PACRG: variants seen among roughly 807,000 people sequenced by gnomAD.
PACRG encodes the protein parkin coregulated gene protein.
Under a neutral mutation model 29.7 loss-of-function variants are expected in PACRG, and 29 were observed. The observed-to-expected ratio is 0.98, with a 90% CI of 0.73 to 1.33. The LOEUF is 1.33. Among genes scored for constraint, PACRG ranks in the 40% most tolerant of loss-of-function variants. PACRG has a pLI of 0.00. For synonymous variants in PACRG, 116 were observed against 118.7 expected, an observed-to-expected ratio of 0.98 and a Z score of 0.15; for missense variants, 279 against 316.2, an observed-to-expected ratio of 0.88 and a Z score of 0.89.
intron 4 of PACRG, among the ~76,000 whole-genome samples, chr6:163,134,240 A>G (rs1446950308): frequency 6.6e-6 from 1 of 152,158 alleles, no homozygotes; most frequent in African/African-American, 2.4e-5. Context: ...ATTGGTCACT[A>G]TGTTTCTTAG....
intron 4 of PACRG, among the ~76,000 whole-genome samples, chr6:163,273,676 C>G (rs902365287): frequency 2.6e-5 from 4 of 152,008 alleles, no homozygotes; most frequent in Admixed American, 2.6e-4. Flanking sequence ...TTTCCTCCCC[C>G]CTTGATATTT....
chr6:163,142,908 A>G (rs1016219244), intron 4 of PACRG, among the ~76,000 whole-genome samples: 2 of 152,210 alleles, frequency 1.3e-5, no homozygotes, highest in Admixed American at 1.3e-4. Context: ...TCTGAAGATC[A>G]TGAAAAATAA....
At chr6:162,881,300 T>C (rs1042192123) in intron 2 of PACRG, among the ~76,000 whole-genome samples, 2 of 152,186 alleles carry the variant, frequency 1.3e-5, no homozygotes, top group African/African-American at 4.8e-5. Context: ...CTGTTTTCCT[T>C]TGGGGCTGTA....
chr6:162,827,334 A>G (rs1043657027), intron 2 of PACRG, among the ~76,000 whole-genome samples: 9 of 152,214 alleles, frequency 5.9e-5, no homozygotes, highest in Non-Finnish European at 1.2e-4. Flanking sequence ...CTAGCTTCAA[A>G]TCTCAAGCAG....
intron 2 of PACRG, among the ~76,000 whole-genome samples, chr6:162,881,167 A>G (rs899648659): frequency 5.9e-5 from 9 of 152,142 alleles, no homozygotes; most frequent in Non-Finnish European, 1.0e-4. Context: ...GATTTTGCCT[A>G]TTGGAAGTGT....
chr6:163,042,325 C>G (rs1808814357), intron 2 of PACRG, among the ~76,000 whole-genome samples: 1 of 152,078 alleles, frequency 6.6e-6, no homozygotes, highest in South Asian at 2.1e-4. Flanking sequence ...AAAAGAGCAT[C>G]CTAAATAGCG....
intron 4 of PACRG, among the ~76,000 whole-genome samples, chr6:163,221,218 C>G (rs1384830102): frequency 6.6e-6 from 1 of 152,174 alleles, no homozygotes; most frequent in African/African-American, 2.4e-5. Context: ...GGCTCAGCAT[C>G]GCAGTTTTCC....
chr6:163,206,963 C>T (rs1449723756), intron 4 of PACRG, among the ~76,000 whole-genome samples: 1 of 151,950 alleles, frequency 6.6e-6, no homozygotes, highest in Non-Finnish European at 1.5e-5. Flanking sequence ...TTTCTTTTAC[C>T]GCTGTTTATA....
intron 2 of PACRG, among the ~76,000 whole-genome samples, chr6:162,825,555 A>G (rs1362986098): frequency 6.6e-6 from 1 of 152,220 alleles, no homozygotes; most frequent in South Asian, 2.1e-4. Context: ...TCTGGAATTT[A>G]TATTTGTTTC....
chr6:162,990,524 C>T (rs2128184549), intron 2 of PACRG, among the ~76,000 whole-genome samples: 1 of 133,242 alleles, frequency 7.5e-6, no homozygotes, highest in East Asian at 2.4e-4. Flanking sequence ...TTTTTGGCTG[C>T]ATAAATGTCT....
At chr6:163,299,133 A>G (rs534947166) in intron 4 of PACRG, among the ~76,000 whole-genome samples, 27 of 152,310 alleles carry the variant, frequency 1.8e-4, no homozygotes, top group African/African-American at 6.5e-4. Context: ...CTGAAGCTCT[A>G]GAACACAGCT....
At chr6:162,997,621 A>C (rs1804194820) in intron 2 of PACRG, 2 of 275,330 alleles carry the variant, frequency 7.3e-6, no homozygotes. Context: ...ACGCAGTGGT[A>C]AAGAAGAGAG....
intron 2 of PACRG, among the ~76,000 whole-genome samples, chr6:162,901,643 C>T (rs1304324499): frequency 1.3e-5 from 2 of 152,160 alleles, no homozygotes; most frequent in African/African-American, 4.8e-5. Flanking sequence ...CCTGTGGCAC[C>T]GCCTTTGCTC....
intron 2 of PACRG, among the ~76,000 whole-genome samples, chr6:163,011,101 AGAG>A (rs781057446): frequency 7.1e-6 from 1 of 141,426 alleles, no homozygotes; most frequent in South Asian, 2.6e-4. Context: ...AGTAAGGGGT[AGAG>A]AAGAGGAAGA....
At chr6:163,065,461 A>G (rs536655) in intron 3 of PACRG, among the ~76,000 whole-genome samples, 89,755 of 151,990 alleles carry the variant, frequency 0.59, 28,771 homozygotes, top group East Asian at 0.96. Flanking sequence ...GGATTCTTCC[A>G]AAACAGCGGT....
intron 2 of PACRG, among the ~76,000 whole-genome samples, chr6:162,970,663 G>A (rs972796510): frequency 6.6e-6 from 1 of 152,126 alleles, no homozygotes; most frequent in Non-Finnish European, 1.5e-5. Context: ...AGAACATCCC[G>A]TTGTATCTTC....
At chr6:162,815,565 G>T (rs1319567379) in intron 2 of PACRG, among the ~76,000 whole-genome samples, 1 of 151,138 alleles carries the variant, frequency 6.6e-6, no homozygotes, top group East Asian at 1.9e-4. Context: ...AATTTTGGGG[G>T]GGTGGGAAAG....
chr6:163,244,921 G>A (rs1057482747), intron 4 of PACRG: 33 of 333,636 alleles, frequency 9.9e-5, no homozygotes, highest in African/African-American at 3.7e-4. Context: ...TTAATTCCCC[G>A]TTATGCTTCT....
intron 4 of PACRG, among the ~76,000 whole-genome samples, chr6:163,104,036 A>G (rs184632485): frequency 2.6e-5 from 4 of 152,332 alleles, no homozygotes; most frequent in South Asian, 2.1e-4. Flanking sequence ...TCTTTTATTT[A>G]AGGTACTGAA....
Sources: gnomAD v4.1 joint callset for allele counts (sites outside exome capture counted in the v4.1 genomes callset) on GRCh38, gnomAD v4.1.1 for gene constraint, MANE v1.5 for transcripts, NCBI Gene and HGNC (gene_info 2026-07-23, HGNC 2026-07-21) for gene names.